CPAMD8: variants seen among roughly 807,000 people sequenced by gnomAD.
The protein encoded by CPAMD8 is C3 and PZP like alpha-2-macroglobulin domain containing 8.
In CPAMD8, 146 loss-of-function variants were observed where a neutral mutation model predicts 224.7. That is an observed-to-expected ratio of 0.65 (90% CI 0.57 to 0.75). The LOEUF is 0.75. Ranked by LOEUF, CPAMD8 falls within the 30% of genes least tolerant of loss-of-function variation. The pLI is 0.00. For synonymous variants in CPAMD8, 966 were observed against 1,044.6 expected (o/e 0.92, Z 1.45); for missense variants, 2,301 against 2,537.5 (o/e 0.91, Z 2.00).
Position 16,898,030 on chromosome 19 carries a change from C to T in CPAMD8, c.4849-36G>A. 1 of 1,522,760 alleles carries T rather than the reference C, an allele frequency of 6.6e-7. No homozygotes were observed. The highest frequency in any genetic ancestry group is 8.9e-7 in the Non-Finnish European group (1 of 1,119,280). The allele number at this position is 1,522,760 out of a possible 1,614,324, so 94.3% of individuals were successfully genotyped here. A position where few individuals can be genotyped will look rare whatever the true frequency, so the allele number is the denominator to read the frequency against. On this transcript the variant is annotated intron_variant, in intron 37 of 41. Transcript: ENST00000443236. This position sits in a 1 kb window ranked among gnomAD's most constrained non-coding sequence, Gnocchi z 4.2. Reference sequence around the variant, plus strand: ...GCGGCGGGCGCAGGCTCGACCCGGGCCAGGAGGCCCGGGGCGCTGAGCTCA... The same window carrying T: ...GCGGCGGGCGCAGGCTCGACCCGGGTCAGGAGGCCCGGGGCGCTGAGCTCA...
intron 13 of CPAMD8, among the ~76,000 whole-genome samples, chr19:16,981,316 G>A (rs527328464): frequency 1.4e-3 from 215 of 152,090 alleles, no homozygotes; most frequent in African/African-American, 4.9e-3. Flanking sequence ...AGCCATGATC[G>A]CACCACTGCA....
intron 3 of CPAMD8, among the ~76,000 whole-genome samples, chr19:17,014,763 G>A (rs1459815118): frequency 1.3e-5 from 2 of 152,090 alleles, no homozygotes; most frequent in African/African-American, 2.4e-5. Context: ...CACAACGTGT[G>A]GAAATTATGG....
chr19:16,945,703 C>A, intron 21 of CPAMD8, 24 bp from the exon 22 acceptor site: 1 of 1,613,114 alleles, frequency 6.2e-7, no homozygotes, highest in South Asian at 1.1e-5. Flanking sequence ...ATGTCTTGGT[C>A]TCAGAACAGG....
At chr19:16,982,165 G>A (rs988341503) in intron 13 of CPAMD8, among the ~76,000 whole-genome samples, 12 of 152,084 alleles carry the variant, frequency 7.9e-5, no homozygotes, top group Non-Finnish European at 1.3e-4. Context: ...AGGCCGAGGC[G>A]AGAGGATTGC....
chr19:17,008,937 C>T (rs1555789838), intron 6 of CPAMD8, among the ~76,000 whole-genome samples: 1 of 150,836 alleles, frequency 6.6e-6, no homozygotes, highest in Non-Finnish European at 1.5e-5. Context: ...AAAAAAGATA[C>T]AAAAAAAAAT....
In CPAMD8 at chr19:16,897,884, C is replaced by G. The variant is rs750549782; in HGVS notation, c.4954+5G>C. The G allele has an allele frequency of 1.9e-6, 3 of 1,604,870 alleles. No individual in the cohort carries two copies. The highest frequency in any genetic ancestry group is 2.6e-6 in the Non-Finnish European group (3 of 1,176,340). ...CGGGCCGGGGGTGCGGGCGCGCGGG[C>G]CTACCGGGTTCGTAGTAGTCGTACA... is the stretch of plus-strand genomic sequence containing the variant. On this transcript the variant is annotated splice_donor_5th_base_variant and intron_variant, in intron 38 of 41. Transcript: ENST00000443236.
chr19:16,950,793 GAAAAAAAA>G (rs757775739), intron 20 of CPAMD8, among the ~76,000 whole-genome samples: 24 of 45,886 alleles, frequency 5.2e-4, no homozygotes, highest in African/African-American at 2.0e-3. Flanking sequence ...ACCCTGTCTC[GAAAAAAAA>G]AAAAAAAAAA....
intron 30 of CPAMD8, 47 bp from the exon 31 acceptor site, chr19:16,904,599 G>T (rs1484581591): frequency 6.1e-6 from 8 of 1,310,920 alleles, no homozygotes; most frequent in Non-Finnish European, 7.7e-6. Flanking sequence ...CCAGTGTGTA[G>T]CCTGGCATCC....
chr19:17,019,526 T>C (rs966508863), intron 3 of CPAMD8, among the ~76,000 whole-genome samples: 1 of 151,828 alleles, frequency 6.6e-6, no homozygotes. Context: ...AACTGGATTA[T>C]CGGTGGATTT....
At position 16,893,156 on chromosome 19, in the gene CPAMD8, ACT is replaced by A. The variant is rs373588520; in HGVS notation, c.5608_5609del (p.Ser1870TrpfsTer53). ...ACATCCATAAACCCTCCTCCCCACC[ACT>A]CTGAAAGGCTGGGCTGTAGACGAAG... ...PVFVYSPAFQSGGEEGLWMSN... is the reference protein window; with the variant it reads ...PVFVYSPAFQXGGEEGLWMSN... On this transcript the variant is annotated frameshift_variant, in exon 42 of 42. Transcript: ENST00000443236. LOFTEE classifies it high-confidence loss of function. The A allele has an allele frequency of 1.3e-6, 2 of 1,582,024 alleles. No individual in the cohort carries two copies.
chr19:16,907,138 G>A (rs2052550856), intron 29 of CPAMD8, 21 bp from the exon 30 acceptor site: 1 of 1,525,934 alleles, frequency 6.6e-7, no homozygotes. Context: ...GGGTGGGAAG[G>A]TGAAACCTGG....
In CPAMD8 at chr19:16,903,804, A is replaced by G. The variant is rs374544793; in HGVS notation, c.4305T>C (p.Ala1435=). ...GGGAGACAGTGAGGTTGATGCCTCC[A>G]GCATAGGACAAGATGGCATATTCAG... ...ALAEYAILSY[A]GGINLTVSLA... The change falls in exon 33 of 42, where the codon GCT becomes GCC. Residue 1435 remains alanine (A), a synonymous_variant. Coordinates refer to ENST00000443236, the MANE Select transcript of CPAMD8 (RefSeq NM_015692.5). 4.5e-5 allele frequency: 73 copies of G among 1,614,048 alleles called. No individual in the cohort carries two copies. Among genetic ancestry groups the G allele is most frequent in the Non-Finnish European group, 5.5e-5 (65 of 1,179,992 alleles).
chr19:16,955,940 G>C (rs1416083914), intron 19 of CPAMD8, among the ~76,000 whole-genome samples: 1 of 152,136 alleles, frequency 6.6e-6, no homozygotes, highest in Non-Finnish European at 1.5e-5. Context: ...GCCTCTCAAA[G>C]TGCTGGGATT....
Position 16,914,722 on chromosome 19 carries a change from T to C in CPAMD8, c.3721A>G (p.Ile1241Val), listed in dbSNP as rs571291897. 15 of 1,614,106 alleles carry C rather than the reference T, an allele frequency of 9.3e-6. No individual in the cohort carries two copies. In the African/African-American group the frequency reaches 1.2e-4, roughly 13 times the overall value. Reference sequence around the variant, plus strand: ...GAGCCATCGGCCTGCTGCTGCTGGATGATCCAGCTCTTGGCGGCAGCCAGC... The same window carrying C: ...GAGCCATCGGCCTGCTGCTGCTGGACGATCCAGCTCTTGGCGGCAGCCAGC... ...RELAAAKSWIIQQQQADGSFL... is the reference protein window; with the variant it reads ...RELAAAKSWIVQQQQADGSFL... Residue 1241 changes from isoleucine (I) to valine (V), a missense_variant, in exon 28 of 42, where the codon ATC becomes GTC. Ile to Val is a conservative substitution (Grantham distance 29). Coordinates refer to ENST00000443236, the MANE Select transcript of CPAMD8 (RefSeq NM_015692.5).
chr19:16,906,879 C>T (rs2052537499), intron 30 of CPAMD8, 73 bp downstream of exon 30: 3 of 1,389,918 alleles, frequency 2.2e-6, no homozygotes, highest in Admixed American at 4.0e-5. Context: ...TAAATATGTT[C>T]ATGAGTTGTT....
intron 30 of CPAMD8, among the ~76,000 whole-genome samples, chr19:16,906,388 TTC>T (rs1491334193): frequency 4.7e-5 from 4 of 84,264 alleles, no homozygotes; most frequent in South Asian, 4.6e-4. Flanking sequence ...CTTTCTTTCT[TTC>T]TTTCTTTCTT....
rs1423935120 is a variant in CPAMD8, at chr19:16,894,348, C to T, written c.5427-1009G>A. 5 of 452,254 alleles carry T rather than the reference C, an allele frequency of 1.1e-5. 1 individual carries two copies. Among genetic ancestry groups the T allele is most frequent in the South Asian group, 3.1e-5 (2 of 64,492 alleles). 28.0% of individuals were successfully genotyped at this position (452,254 alleles called of 1,614,324 possible). On this transcript the variant is annotated intron_variant, in intron 41 of 41. Coordinates refer to ENST00000443236, the MANE Select transcript of CPAMD8 (RefSeq NM_015692.5). ...GGCTGAGGTCTGCCCACCCACCATA[C>T]AGAGTCACAGGCTGATAGGGACAGG...
chr19:16,918,747 CTTTTT>C (rs3029467), intron 27 of CPAMD8, among the ~76,000 whole-genome samples: 2 of 127,508 alleles, frequency 1.6e-5, no homozygotes, highest in Non-Finnish European at 3.3e-5. Context: ...CACACCCAGA[CTTTTT>C]TTTTTTTTTT....
At chr19:17,008,702 G>A (rs1229339723) in intron 6 of CPAMD8, 143 bp from the exon 7 acceptor site, 2 of 927,140 alleles carry the variant, frequency 2.2e-6, no homozygotes, top group South Asian at 2.8e-5. Context: ...TAACCCCGGG[G>A]CAAAAAAAAA....
Sources: gnomAD v4.1 joint callset for allele counts (sites outside exome capture counted in the v4.1 genomes callset) on GRCh38, gnomAD v4.1.1 for gene constraint, Gnocchi (gnomAD v3.1) non-coding constraint, MANE v1.5 for transcripts, NCBI Gene and HGNC (gene_info 2026-07-23, HGNC 2026-07-21) for gene names.